Variants in ATP8A2 observed in about 807,000 individuals in gnomAD.
ATP8A2 encodes the protein phospholipid-transporting ATPase IB.
A neutral mutation model predicts 165.6 loss-of-function variants in ATP8A2; 100 were observed. The observed-to-expected ratio is 0.60, with a 90% CI of 0.51 to 0.71. The LOEUF is 0.71. Ranked by LOEUF, ATP8A2 falls within the 30% of genes least tolerant of loss-of-function variation. The pLI, the probability that ATP8A2 is intolerant of heterozygous loss-of-function variation, is 0.00. For synonymous variants in ATP8A2, 543 were observed against 548.8 expected (o/e 0.99, Z 0.15); for missense variants, 1,227 against 1,479.5 (o/e 0.83, Z 2.80).
chr13:25,512,778 A>G (rs868634793), intron 2 of ATP8A2, among the ~76,000 whole-genome samples: 6,403 of 113,778 alleles, frequency 0.056, 256 homozygotes, highest in South Asian at 0.14. Context: ...CTGGCCAGGC[A>G]GGGGGCTGAC....
At chr13:25,381,148 ACACT>A (rs1173287551) in intron 1 of ATP8A2, among the ~76,000 whole-genome samples, 3 of 152,196 alleles carry the variant, frequency 2.0e-5, no homozygotes, top group African/African-American at 2.4e-5. Flanking sequence ...GATCTTCAAC[ACACT>A]CACGATTTAT....
chr13:25,727,514 T>C (rs375085000), intron 25 of ATP8A2, among the ~76,000 whole-genome samples: 23 of 152,284 alleles, frequency 1.5e-4, no homozygotes, highest in Middle Eastern at 3.4e-3. Flanking sequence ...CCCTGGAGAC[T>C]CTGCGTGTGA....
intron 30 of ATP8A2, among the ~76,000 whole-genome samples, chr13:25,851,552 C>T (rs1566202224): frequency 1.3e-5 from 2 of 150,516 alleles, no homozygotes; most frequent in Non-Finnish European, 2.9e-5. Context: ...CACTGCACTC[C>T]AGCCTGGGTG....
chr13:25,869,137 G>T (rs1952609898), intron 33 of ATP8A2, among the ~76,000 whole-genome samples: 1 of 150,640 alleles, frequency 6.6e-6, no homozygotes, highest in Non-Finnish European at 1.5e-5. Context: ...ATTCAGTTGA[G>T]CAGTGCTAGC....
chr13:25,468,929 G>A lies in ATP8A2; in HGVS notation c.77-48G>A, dbSNP rs200308244. ...CCGCGCTCGCAGCCTCCCGCCTGGC[G>A]GTTGACTTCTTTGTGTCGTATTCTC... On this transcript the variant is annotated intron_variant, in intron 1 of 36. Transcript: ENST00000381655. 184 of 1,586,446 alleles carry A rather than the reference G, an allele frequency of 1.2e-4. No individual in the cohort carries two copies. The African/African-American group carries it at 2.4e-3, about 20-fold the overall frequency.
At chr13:25,557,099 GA>G (rs1449488389) in intron 13 of ATP8A2, among the ~76,000 whole-genome samples, 1 of 151,780 alleles carries the variant, frequency 6.6e-6, no homozygotes, top group Non-Finnish European at 1.5e-5. Context: ...GACCTTTGTA[GA>G]CAAAAAAAAG....
chr13:25,385,956 A>C (rs1036470336), intron 1 of ATP8A2, among the ~76,000 whole-genome samples: 1 of 149,046 alleles, frequency 6.7e-6, no homozygotes, highest in African/African-American at 2.5e-5. Context: ...TCTGTTGCCC[A>C]GGCTGGAGTG....
chr13:25,976,662 T>G (rs141574428), intron 35 of ATP8A2, among the ~76,000 whole-genome samples: 396 of 152,040 alleles, frequency 2.6e-3, no homozygotes, highest in South Asian at 5.4e-3. Flanking sequence ...GATCCCTACA[T>G]GTAGGAAGAA....
intron 35 of ATP8A2, among the ~76,000 whole-genome samples, chr13:25,990,261 TAA>T (rs3056351): frequency 7.4e-5 from 8 of 108,336 alleles, no homozygotes; most frequent in East Asian, 2.6e-4. Flanking sequence ...CATGTAACTG[TAA>T]AAAAAAAAAA....
At chr13:25,575,757 T>C (rs1389800798) in intron 19 of ATP8A2, among the ~76,000 whole-genome samples, 1 of 152,152 alleles carries the variant, frequency 6.6e-6, no homozygotes, top group African/African-American at 2.4e-5. Context: ...GTGGTGACAG[T>C]GTCCCTGCGT....
At chr13:25,516,595 G>A (rs150051620) in intron 2 of ATP8A2, among the ~76,000 whole-genome samples, 81 of 152,192 alleles carry the variant, frequency 5.3e-4, no homozygotes, top group African/African-American at 1.9e-3. Context: ...AATGATTCCT[G>A]TACTTGTTGA....
intron 18 of ATP8A2, among the ~76,000 whole-genome samples, chr13:25,573,563 C>G (rs536933226): frequency 6.6e-6 from 1 of 152,292 alleles, no homozygotes; most frequent in African/African-American, 2.4e-5. Context: ...ACTACCAAGT[C>G]AGGAACAAAT....
intron 2 of ATP8A2, among the ~76,000 whole-genome samples, chr13:25,504,333 T>C (rs1002705017): frequency 2.0e-5 from 3 of 152,206 alleles, no homozygotes; most frequent in African/African-American, 4.8e-5. Flanking sequence ...AAATCCTTTT[T>C]CATCTAACAT....
At chr13:25,914,776 A>G (rs1002366820) in intron 33 of ATP8A2, among the ~76,000 whole-genome samples, 17 of 152,354 alleles carry the variant, frequency 1.1e-4, no homozygotes, top group African/African-American at 3.4e-4. Flanking sequence ...GGGGCTTCGC[A>G]GTGCTCCCCC....
At chr13:25,553,771 A>G in intron 11 of ATP8A2, 22 bp from the exon 12 acceptor site, 2 of 1,605,862 alleles carry the variant, frequency 1.2e-6, no homozygotes, top group East Asian at 4.5e-5. Flanking sequence ...CACCTTTCAG[A>G]TACTCTGGTT....
At chr13:25,537,333 C>T (rs1045201586) in intron 6 of ATP8A2, among the ~76,000 whole-genome samples, 3 of 152,174 alleles carry the variant, frequency 2.0e-5, no homozygotes, top group African/African-American at 4.8e-5. Context: ...GCCTTCCGTG[C>T]AGCTTGCCCA....
intron 25 of ATP8A2, among the ~76,000 whole-genome samples, chr13:25,701,154 A>T (rs1368470038): frequency 6.6e-6 from 1 of 152,068 alleles, no homozygotes; most frequent in African/African-American, 2.4e-5. Context: ...CACTTTCCTG[A>T]TAGTATTACT....
In ATP8A2 at chr13:25,552,493, G is replaced by C. The variant is rs188318087; in HGVS notation, c.1057+990G>C. 1.9e-3 allele frequency among the ~76,000 whole-genome samples: 292 copies of C among 152,102 alleles called. 2 individuals carry two copies. Among genetic ancestry groups the C allele is most frequent in the African/African-American group, 6.1e-3 (254 of 41,458 alleles). ...TTTTAGCAATTGCTTTTTTAAAATT[G>C]GGAATATATAATTATACTATCTTTT... On this transcript the variant is annotated intron_variant, in intron 11 of 36. Coordinates refer to ENST00000381655, the MANE Select transcript of ATP8A2 (RefSeq NM_016529.6).
Position 25,902,939 on chromosome 13 carries a change from G to GCACACACACACACT in ATP8A2, c.3183+40544_3183+40545insTCACACACACACAC, listed in dbSNP as rs375869442. Among the ~76,000 whole-genome samples, 8 of 140,526 alleles carry GCACACACACACACT rather than the reference G, an allele frequency of 5.7e-5. No homozygotes were observed. In the East Asian group the frequency reaches 1.3e-3, roughly 22 times the overall value. 92.2% of individuals were successfully genotyped at this position (140,526 alleles called of 152,430 possible). On this transcript the variant is annotated intron_variant, in intron 33 of 36. Coordinates refer to ENST00000381655, the MANE Select transcript of ATP8A2 (RefSeq NM_016529.6). Reference sequence around the variant, plus strand: ...AACTGACTTTATACATCCTCAGCATGCACACACACACACACACACACACAC... The same window carrying GCACACACACACACT: ...AACTGACTTTATACATCCTCAGCATGCACACACACACACTCACACACACACACACACACACACAC...
Sources: gnomAD v4.1 joint callset for allele counts (sites outside exome capture counted in the v4.1 genomes callset) on GRCh38, gnomAD v4.1.1 for gene constraint, MANE v1.5 for transcripts, NCBI Gene and HGNC (gene_info 2026-07-23, HGNC 2026-07-21) for gene names.